RANBP2: variants seen among roughly 807,000 people sequenced by gnomAD.
The protein encoded by RANBP2 is E3 SUMO-protein ligase RanBP2.
RANBP2 carries 57 observed loss-of-function variants against 303.6 expected under a neutral mutation model. That is an observed-to-expected ratio of 0.19 (90% CI 0.15 to 0.23). The LOEUF is 0.23. Ranked by LOEUF, RANBP2 falls within the 10% of genes least tolerant of loss-of-function variation. The probability of loss-of-function intolerance (pLI) is 1.00; values close to 1 mark genes in which losing one functional copy is unlikely to be tolerated. For synonymous variants in RANBP2, 1,167 were observed against 1,301.5 expected (o/e 0.90, Z 2.23); for missense variants, 3,138 against 3,780.8 (o/e 0.83, Z 4.46).
chr2:109,687,107 G>A, the RANBP2 span, among the ~76,000 whole-genome samples: 1 of 152,106 alleles, frequency 6.6e-6, no homozygotes, highest in South Asian at 2.1e-4. Flanking sequence ...CCCGCATAGA[G>A]AACATCTGAT....
chr2:109,395,140 C>T, the RANBP2 span, among the ~76,000 whole-genome samples: 1 of 152,364 alleles, frequency 6.6e-6, no homozygotes, highest in South Asian at 2.1e-4. Flanking sequence ...GTAGCAGTGC[C>T]TGGGACTCCG....
the RANBP2 span, among the ~76,000 whole-genome samples, chr2:109,529,844 T>TGA: frequency 1.3e-5 from 2 of 152,208 alleles, no homozygotes; most frequent in South Asian, 4.1e-4. Flanking sequence ...CCCACTGGGC[T>TGA]GAGCCTTCTT....
chr2:108,786,183 T>G (rs1678663497), downstream of RANBP2, among the ~76,000 whole-genome samples: 1 of 151,730 alleles, frequency 6.6e-6, no homozygotes, highest in Non-Finnish European at 1.5e-5. Context: ...TTCTTTTTAA[T>G]ACCCTGTTAT....
chr2:109,192,138 A>G, the RANBP2 span, among the ~76,000 whole-genome samples: 1 of 152,230 alleles, frequency 6.6e-6, no homozygotes, highest in Non-Finnish European at 1.5e-5. Flanking sequence ...ACGGTACCCA[A>G]TATTGGTTCT....
chr2:108,761,680 A>G (rs1676739833), intron 18 of RANBP2, among the ~76,000 whole-genome samples: 1 of 152,124 alleles, frequency 6.6e-6, no homozygotes, highest in Non-Finnish European at 1.5e-5. Flanking sequence ...ACAAAATACA[A>G]CCTAGTCTTT....
At chr2:109,498,751 G>A in the RANBP2 span, among the ~76,000 whole-genome samples, 3 of 152,230 alleles carry the variant, frequency 2.0e-5, no homozygotes, top group African/African-American at 7.2e-5. Flanking sequence ...TCCCTGTGGC[G>A]ATGGGGCTTG....
chr2:109,154,544 C>G, the RANBP2 span, among the ~76,000 whole-genome samples: 4 of 152,180 alleles, frequency 2.6e-5, no homozygotes, highest in African/African-American at 9.7e-5. Flanking sequence ...ACCAAGGCTC[C>G]CTAAGTTTGA....
chr2:109,453,432 C>T, the RANBP2 span, among the ~76,000 whole-genome samples: 12 of 152,298 alleles, frequency 7.9e-5, no homozygotes, highest in Admixed American at 4.6e-4. Context: ...TGTGTCCATC[C>T]GTGACAGTTT....
chr2:108,874,837 A>C, the RANBP2 span, among the ~76,000 whole-genome samples: 1 of 152,100 alleles, frequency 6.6e-6, no homozygotes, highest in Non-Finnish European at 1.5e-5. Flanking sequence ...ATTCCTAGTA[A>C]GGCCTATTGC....
chr2:109,545,523 C>T, the RANBP2 span: 15 of 1,535,870 alleles, frequency 9.8e-6, no homozygotes, highest in African/African-American at 1.4e-4. Flanking sequence ...CACAGGAGTT[C>T]GAATCGACAG....
At chr2:108,742,186 G>A (rs1300525703) in intron 7 of RANBP2, among the ~76,000 whole-genome samples, 1 of 151,954 alleles carries the variant, frequency 6.6e-6, no homozygotes, top group Non-Finnish European at 1.5e-5. Context: ...AGTAGAGACG[G>A]GGTTTCTCCA....
chr2:109,653,393 T>G, the RANBP2 span, among the ~76,000 whole-genome samples: 1 of 105,452 alleles, frequency 9.5e-6, no homozygotes, highest in Non-Finnish European at 2.3e-5. Context: ...AGATTTCGTC[T>G]CAAAAAAAAA....
chr2:109,086,164 A>G, the RANBP2 span, among the ~76,000 whole-genome samples: 1 of 152,110 alleles, frequency 6.6e-6, no homozygotes, highest in Admixed American at 6.5e-5. Context: ...CGTTTTGCTT[A>G]TCCAGTCATC....
chr2:109,071,112 C>T, the RANBP2 span, among the ~76,000 whole-genome samples: 56 of 152,262 alleles, frequency 3.7e-4, no homozygotes, highest in Middle Eastern at 3.4e-3. Flanking sequence ...ACTAGTACAG[C>T]AATAGAGCAG....
At chr2:109,140,082 G>T in the RANBP2 span, among the ~76,000 whole-genome samples, 3 of 152,202 alleles carry the variant, frequency 2.0e-5, no homozygotes, top group African/African-American at 7.2e-5. Flanking sequence ...GTCTGCGGAA[G>T]GCTTTCCACT....
At chr2:108,839,442 T>C in the RANBP2 span, 20 of 673,802 alleles carry the variant, frequency 3.0e-5, no homozygotes, top group South Asian at 1.1e-4. Flanking sequence ...GGGATTTTGA[T>C]AGGAATTGTG....
chr2:109,640,509 T>C, the RANBP2 span, among the ~76,000 whole-genome samples: 2 of 152,184 alleles, frequency 1.3e-5, no homozygotes, highest in South Asian at 4.1e-4. Flanking sequence ...TCTCCTTTAA[T>C]ATTTAATGTT....
the RANBP2 span, among the ~76,000 whole-genome samples, chr2:109,023,953 T>C: frequency 6.6e-6 from 1 of 152,134 alleles, no homozygotes; most frequent in African/African-American, 2.4e-5. Context: ...GAGACGGAGT[T>C]TCACTCTTGT....
intron 4 of RANBP2, 116 bp downstream of exon 4, chr2:108,731,590 A>C: frequency 6.4e-7 from 1 of 1,563,474 alleles, no homozygotes; most frequent in Non-Finnish European, 8.6e-7. Flanking sequence ...TTTCCTTTAA[A>C]AATTTTCTTT....
Sources: allele counts gnomAD v4.1 joint callset (sites outside exome capture counted in the v4.1 genomes callset), GRCh38; gene constraint gnomAD v4.1.1; transcripts MANE v1.5; gene names NCBI Gene and HGNC (gene_info 2026-07-23, HGNC 2026-07-21).